MRAP: variants seen among roughly 807,000 people sequenced by gnomAD.
The protein encoded by MRAP is melanocortin 2 receptor accessory protein.
MRAP carries 8 observed loss-of-function variants against 8.7 expected under a neutral mutation model. The ratio of observed to expected loss-of-function variants is 0.92; its 90% CI spans 0.54 to 1.66. The LOEUF (loss-of-function observed/expected upper bound fraction) is 1.66. MRAP is among the 40% of genes most tolerant of loss of function. The probability of loss-of-function intolerance (pLI) is 0.00; values close to 1 mark genes in which losing one functional copy is unlikely to be tolerated. For synonymous variants in MRAP, 95 were observed against 95.5 expected (o/e 1.00, Z 0.03); for missense variants, 237 against 217.1 (o/e 1.09, Z -0.58).
At chr21:32,300,056 C>G (rs2032223625) in intron 1 of MRAP, among the ~76,000 whole-genome samples, 1 of 152,196 alleles carries the variant, frequency 6.6e-6, no homozygotes, top group Admixed American at 6.5e-5. Flanking sequence ...CGTAGGAAGT[C>G]TTAGCTTCCT....
In MRAP at chr21:32,298,917, G is replaced by A. The variant is rs1022229649; in HGVS notation, c.-55G>A. 123 of 1,310,538 alleles carry A rather than the reference G, an allele frequency of 9.4e-5. No homozygotes were observed. The highest frequency in any genetic ancestry group is 1.0e-4 in the African/African-American group (7 of 69,048). The allele number at this position is 1,310,538 out of a possible 1,614,324, so 81.2% of individuals were successfully genotyped here. A position where few individuals can be genotyped will look rare whatever the true frequency, so the allele number is the denominator to read the frequency against. On this transcript the variant is annotated 5_prime_UTR_variant, in exon 1 of 3. Transcript: ENST00000303645. ...GGCAGTCTCCTCCCAGGGGCTTGGC[G>A]CCTGGCTCGAGGCGAGGCTGCCGGC...
At chr21:32,300,859 G>GATA (rs2032274104) in intron 1 of MRAP, among the ~76,000 whole-genome samples, 2 of 151,646 alleles carry the variant, frequency 1.3e-5, no homozygotes, top group Non-Finnish European at 2.9e-5. Context: ...TATGTCAGGG[G>GATA]CGTCATGCGT....
intron 2 of MRAP, 26 bp downstream of exon 2, chr21:32,306,765 T>G: frequency 6.4e-7 from 1 of 1,569,344 alleles, no homozygotes; most frequent in Non-Finnish European, 8.8e-7. Context: ...TGTGAGTCTG[T>G]GGGTCACTCA....
At chr21:32,311,557 T>C (rs1681102419) in intron 2 of MRAP, 127 bp from the exon 3 acceptor site, 1 of 1,373,366 alleles carries the variant, frequency 7.3e-7, no homozygotes, top group East Asian at 2.3e-5. Flanking sequence ...TCTCAGGAAT[T>C]TGCCTGTGTG....
chr21:32,304,504 A>C (rs986751931), intron 1 of MRAP, among the ~76,000 whole-genome samples: 5 of 151,938 alleles, frequency 3.3e-5, no homozygotes, highest in African/African-American at 1.2e-4. Flanking sequence ...AATCCCAGCT[A>C]CTCGGGAGGC....
At chr21:32,298,391 T>C (rs943589225), upstream of MRAP, among the ~76,000 whole-genome samples, 1 of 152,090 alleles carries the variant, frequency 6.6e-6, no homozygotes, top group Non-Finnish European at 1.5e-5. Flanking sequence ...TGGTTTTAAT[T>C]AACTGGCTAT....
chr21:32,306,910 C>T (rs1431824859), intron 2 of MRAP, 171 bp downstream of exon 2: 21 of 680,716 alleles, frequency 3.1e-5, no homozygotes, highest in Middle Eastern at 7.4e-4. Context: ...TCCAAAAATC[C>T]GAAATATTCC....
intron 1 of MRAP, among the ~76,000 whole-genome samples, chr21:32,301,510 T>C (rs2032298248): frequency 6.6e-6 from 1 of 152,242 alleles, no homozygotes; most frequent in Non-Finnish European, 1.5e-5. Context: ...CCATGCCTGT[T>C]TCCTGAGGCC....
upstream of MRAP, among the ~76,000 whole-genome samples, chr21:32,294,955 C>T (rs547806957): frequency 5.3e-5 from 8 of 151,968 alleles, no homozygotes; most frequent in South Asian, 1.5e-3. Context: ...TAACAGAAAA[C>T]ATTTATGATA....
At chr21:32,299,969 T>A (rs1466967264) in intron 1 of MRAP, among the ~76,000 whole-genome samples, 1 of 152,148 alleles carries the variant, frequency 6.6e-6, no homozygotes, top group Non-Finnish European at 1.5e-5. Flanking sequence ...GATGCGGAAG[T>A]GAGCATGAGA....
At chr21:32,298,296 G>C (rs2254132), upstream of MRAP, among the ~76,000 whole-genome samples, 28,403 of 151,964 alleles carry the variant, frequency 0.19, 3,105 homozygotes, top group African/African-American at 0.3. Flanking sequence ...TTTTGAGTCT[G>C]AACAAATGCA....
rs774309512 is a variant in MRAP at position 32,306,754 on chromosome 21, G to A, written c.206+15G>A. On this transcript the variant is annotated intron_variant, in intron 2 of 2. Transcript: ENST00000303645. ...CCGCAGATGAGGTGGGTAAGAAGGG[G>A]TGTGAGTCTGTGGGTCACTCAGACG... is the stretch of plus-strand genomic sequence containing the variant. 8.1e-6 allele frequency: 13 copies of A among 1,601,258 alleles called. No individual in the cohort carries two copies. The highest frequency in any genetic ancestry group is 1.1e-5 in the Non-Finnish European group (13 of 1,168,390).
chr21:32,304,612 TCAAACAAAAAAAAA>T (rs2032359838), intron 1 of MRAP, among the ~76,000 whole-genome samples: 1 of 147,540 alleles, frequency 6.8e-6, no homozygotes, highest in South Asian at 2.2e-4. Context: ...AGACTCTGTC[TCAAACAAAAAAAAA>T]CAAACAAAAA....
chr21:32,305,526 C>G (rs944044932), intron 1 of MRAP, among the ~76,000 whole-genome samples: 2 of 152,158 alleles, frequency 1.3e-5, no homozygotes, highest in Non-Finnish European at 1.5e-5. Flanking sequence ...TGCAGAAGTT[C>G]AGAGGAGGAG....
intron 1 of MRAP, among the ~76,000 whole-genome samples, chr21:32,299,703 A>G (rs1314881509): frequency 6.6e-6 from 1 of 152,200 alleles, no homozygotes; most frequent in African/African-American, 2.4e-5. Context: ...AGTTTCCTCA[A>G]ATTAAAGATT....
chr21:32,306,634 C>T lies in MRAP; in HGVS notation c.107-6C>T, dbSNP rs2032424287. The T allele has an allele frequency of 1.9e-6, 3 of 1,613,530 alleles. No individual in the cohort carries two copies. The highest frequency in any genetic ancestry group is 2.5e-6 in the Non-Finnish European group (3 of 1,179,582). ...CAGCGCTGAGATGCATCTCCTCCTC[C>T]CGCAGATTCCATCGTGATCGCATTC... On this transcript the variant is annotated splice_region_variant and splice_polypyrimidine_tract_variant and intron_variant, in intron 1 of 2. Transcript: ENST00000303645.
chr21:32,300,949 GAT>G (rs1314859020), intron 1 of MRAP, among the ~76,000 whole-genome samples: 2 of 150,184 alleles, frequency 1.3e-5, no homozygotes, highest in East Asian at 3.9e-4. Flanking sequence ...TCATATCAAT[GAT>G]ATATCATGAT....
At chr21:32,307,184 T>C (rs2032440565) in intron 2 of MRAP, among the ~76,000 whole-genome samples, 1 of 151,506 alleles carries the variant, frequency 6.6e-6, no homozygotes. Context: ...TCAAATTCTG[T>C]AGAGACAGAA....
chr21:32,294,373 C>T (rs1163786379), upstream of MRAP, among the ~76,000 whole-genome samples: 1 of 152,180 alleles, frequency 6.6e-6, no homozygotes, highest in Admixed American at 6.6e-5. Flanking sequence ...CCTCAGCCTC[C>T]CAAAGTGCTG....
Sources: allele counts gnomAD v4.1 joint callset (sites outside exome capture counted in the v4.1 genomes callset), GRCh38; gene constraint gnomAD v4.1.1; transcripts MANE v1.5; gene names NCBI Gene and HGNC (gene_info 2026-07-23, HGNC 2026-07-21).